UHRF2: variants seen among roughly 807,000 people sequenced by gnomAD.
UHRF2 encodes E3 ubiquitin-protein ligase UHRF2.
UHRF2 carries 23 observed loss-of-function variants against 96.8 expected under a neutral mutation model. The ratio of observed to expected loss-of-function variants is 0.24; its 90% CI spans 0.17 to 0.34. UHRF2 has a LOEUF of 0.34. Among genes scored for constraint, UHRF2 ranks in the 10% least tolerant of loss-of-function variants. The pLI, the probability that UHRF2 is intolerant of heterozygous loss-of-function variation, is 1.00. For synonymous variants in UHRF2, 385 were observed against 332.6 expected (o/e 1.16, Z -1.72); for missense variants, 685 against 981.5 (o/e 0.70, Z 4.04).
intron 3 of UHRF2, among the ~76,000 whole-genome samples, chr9:6,460,307 A>G (rs908766626): frequency 3.3e-5 from 5 of 152,142 alleles, no homozygotes; most frequent in African/African-American, 9.7e-5. Context: ...TTGCCTGACA[A>G]CCTGCAAGCC....
chr9:6,456,079 A>T (rs1170571285), intron 3 of UHRF2, among the ~76,000 whole-genome samples: 1 of 152,240 alleles, frequency 6.6e-6, no homozygotes, highest in East Asian at 1.9e-4. Flanking sequence ...TAGGAAATAT[A>T]CGTACAGCCA....
At chr9:6,423,049 G>A (rs1820023543) in intron 2 of UHRF2, 1 of 169,010 alleles carries the variant, frequency 5.9e-6, no homozygotes, top group African/African-American at 2.4e-5. Context: ...TGCGATAAAT[G>A]GGCACCTATA....
At position 6,484,177 on chromosome 9, in the gene UHRF2, C is replaced by G. The variant is rs139343787; in HGVS notation, c.1392+2078C>G. ...CTTCAGACTTCTGGGCTCAAGTGAT[C>G]ATTCCACCTAGCTAGGACTAAAGAT... On this transcript the variant is annotated intron_variant, in intron 8 of 15. Transcript: ENST00000276893. Among the ~76,000 whole-genome samples the G allele has an allele frequency of 2.1e-3, 318 of 151,716 alleles. 5 individuals carry two copies. Among genetic ancestry groups the G allele is most frequent in the Admixed American group, 0.021 (315 of 15,220 alleles).
rs148614334 is a variant in UHRF2, at chr9:6,486,344, C to T, written c.1393-477C>T. On this transcript the variant is annotated intron_variant, in intron 8 of 15. Transcript: ENST00000276893. ...GAGGTAAAATCAGCAATCCTTGTAA[C>T]CAAAAGGGTTTGAGGAATAAGGGAG... Among the ~76,000 whole-genome samples, 850 of 152,180 alleles carry T rather than the reference C, an allele frequency of 5.6e-3. 4 individuals carry two copies. Among genetic ancestry groups the T allele is most frequent in the Middle Eastern group, 0.02 (6 of 294 alleles).
chr9:6,480,074 ACT>A (rs1823833605), intron 6 of UHRF2, among the ~76,000 whole-genome samples: 1 of 151,908 alleles, frequency 6.6e-6, no homozygotes, highest in African/African-American at 2.4e-5. Context: ...GTCCATATCT[ACT>A]CTCTAACTTC....
intron 4 of UHRF2, among the ~76,000 whole-genome samples, chr9:6,470,745 A>G (rs957852660): frequency 2.5e-4 from 38 of 152,216 alleles, no homozygotes; most frequent in Admixed American, 6.5e-5. Context: ...AAAGTAGATT[A>G]TATCAGGTTT....
chr9:6,416,592 G>C (rs1819614435), intron 1 of UHRF2, among the ~76,000 whole-genome samples: 1 of 147,000 alleles, frequency 6.8e-6, no homozygotes. Flanking sequence ...GCCCAGGCGG[G>C]AGTGCTGTGG....
At chr9:6,505,722 G>A (rs966139521) in intron 15 of UHRF2, among the ~76,000 whole-genome samples, 2 of 152,220 alleles carry the variant, frequency 1.3e-5, no homozygotes, top group African/African-American at 4.8e-5. Context: ...AAAGGACAGG[G>A]TTGAAATCTA....
chr9:6,461,306 C>G (rs112036350), intron 4 of UHRF2, among the ~76,000 whole-genome samples: 1,564 of 151,706 alleles, frequency 0.01, 17 homozygotes, highest in Non-Finnish European at 0.017. Context: ...TCATTTCTTT[C>G]TTTTCTTTTT....
intron 10 of UHRF2, 190 bp downstream of exon 10, chr9:6,494,122 A>G (rs1031596384): frequency 3.8e-6 from 2 of 521,978 alleles, no homozygotes; most frequent in African/African-American, 3.9e-5. Flanking sequence ...TATTTTTTAA[A>G]TGCCATAATT....
chr9:6,466,308 C>T (rs763815582), intron 4 of UHRF2, among the ~76,000 whole-genome samples: 7 of 151,982 alleles, frequency 4.6e-5, no homozygotes, highest in Non-Finnish European at 8.8e-5. Context: ...GAGGCTGAGG[C>T]GGACGGATCA....
chr9:6,493,296 T>TA (rs924368679), intron 9 of UHRF2, among the ~76,000 whole-genome samples: 22 of 148,256 alleles, frequency 1.5e-4, no homozygotes, highest in East Asian at 3.9e-4. Flanking sequence ...AGACTCTGTT[T>TA]AAAAAAAAAA....
chr9:6,416,366 C>G (rs1381770062), intron 1 of UHRF2, among the ~76,000 whole-genome samples: 1 of 151,914 alleles, frequency 6.6e-6, no homozygotes, highest in Non-Finnish European at 1.5e-5. Flanking sequence ...CCGTGCCCAG[C>G]CTTGACTCCA....
At chr9:6,479,475 A>T (rs1587853476) in intron 6 of UHRF2, among the ~76,000 whole-genome samples, 1 of 151,702 alleles carries the variant, frequency 6.6e-6, no homozygotes, top group Admixed American at 6.6e-5. Flanking sequence ...CCCACCCCCA[A>T]CCCTGCCAAA....
intron 2 of UHRF2, among the ~76,000 whole-genome samples, chr9:6,427,576 T>C (rs947730459): frequency 6.6e-6 from 1 of 152,060 alleles, no homozygotes; most frequent in Admixed American, 6.6e-5. Flanking sequence ...TCCCAGCTAC[T>C]TGGGAGGCTG....
At chr9:6,444,861 C>CA (rs1821394105) in intron 3 of UHRF2, among the ~76,000 whole-genome samples, 1 of 152,176 alleles carries the variant, frequency 6.6e-6, no homozygotes. Flanking sequence ...CCCGGCCTCC[C>CA]AAAGTGCTGG....
intron 12 of UHRF2, chr9:6,499,424 T>A (rs1334218436): frequency 6.6e-6 from 1 of 152,498 alleles, no homozygotes; most frequent in African/African-American, 2.4e-5. Context: ...ATGTTCTTGA[T>A]ATTTTTTTAG....
chr9:6,421,643 C>T (rs1008469522), intron 2 of UHRF2, among the ~76,000 whole-genome samples: 1 of 152,140 alleles, frequency 6.6e-6, no homozygotes, highest in East Asian at 1.9e-4. Flanking sequence ...TCTCGAACTC[C>T]TGACCTCAGG....
chr9:6,501,533 G>T (rs376285362), intron 14 of UHRF2, among the ~76,000 whole-genome samples: 1 of 152,154 alleles, frequency 6.6e-6, no homozygotes, highest in Non-Finnish European at 1.5e-5. Context: ...TATTAAGGAA[G>T]AATTTTTTAA....
Sources: allele counts gnomAD v4.1 joint callset (sites outside exome capture counted in the v4.1 genomes callset), GRCh38; gene constraint gnomAD v4.1.1; transcripts MANE v1.5; gene names NCBI Gene and HGNC (gene_info 2026-07-23, HGNC 2026-07-21).